The following FMN2 variants were observed in gnomAD, a reference collection of about 807,000 sequenced individuals.
The protein encoded by FMN2 is formin 2.
A neutral mutation model predicts 142.3 loss-of-function variants in FMN2; 51 were observed. That is an observed-to-expected ratio of 0.36 (90% CI 0.29 to 0.45). The LOEUF (loss-of-function observed/expected upper bound fraction) is 0.45, where lower values mean the gene tolerates loss of function less well. FMN2 is among the 20% of genes least tolerant of loss of function. The pLI, the probability that FMN2 is intolerant of heterozygous loss-of-function variation, is 1.00. For synonymous variants in FMN2, 882 were observed against 869.8 expected, an observed-to-expected ratio of 1.01 and a Z score of -0.25; for missense variants, 1,936 against 2,122.8, an observed-to-expected ratio of 0.91 and a Z score of 1.73.
chr1:240,119,039 C>A (rs1662132406), intron 1 of FMN2, among the ~76,000 whole-genome samples: 1 of 152,046 alleles, frequency 6.6e-6, no homozygotes, highest in Non-Finnish European at 1.5e-5. Context: ...ACTTAAAATG[C>A]CTCCACCTGG....
chr1:240,162,991 CT>C (rs2103295830), intron 2 of FMN2, among the ~76,000 whole-genome samples: 1 of 152,202 alleles, frequency 6.6e-6, no homozygotes, highest in Admixed American at 6.5e-5. Flanking sequence ...ACTCTGTTGT[CT>C]TTTTCAATAA....
chr1:240,312,923 G>A (rs1302643881), intron 8 of FMN2, among the ~76,000 whole-genome samples: 1 of 152,154 alleles, frequency 6.6e-6, no homozygotes, highest in Non-Finnish European at 1.5e-5. Flanking sequence ...TTCCTTATAT[G>A]TCAATGCAAA....
chr1:240,112,570 T>A (rs1454239950), intron 1 of FMN2, among the ~76,000 whole-genome samples: 1 of 152,234 alleles, frequency 6.6e-6, no homozygotes, highest in Non-Finnish European at 1.5e-5. Flanking sequence ...GCCCGTCTCC[T>A]GCCCTTATCT....
intron 4 of FMN2, among the ~76,000 whole-genome samples, chr1:240,203,754 G>A (rs1666220413): frequency 6.6e-6 from 1 of 152,102 alleles, no homozygotes. Flanking sequence ...AACCACCATG[G>A]CCCACGTTGA....
chr1:240,292,429 G>T (rs1669827187), intron 7 of FMN2, among the ~76,000 whole-genome samples: 1 of 152,130 alleles, frequency 6.6e-6, no homozygotes, highest in Non-Finnish European at 1.5e-5. Context: ...GACTTTCAAG[G>T]CTGGGCTATT....
At chr1:240,242,477 T>G (rs950578726) in intron 6 of FMN2, among the ~76,000 whole-genome samples, 1 of 152,114 alleles carries the variant, frequency 6.6e-6, no homozygotes, top group African/African-American at 2.4e-5. Context: ...ATCAGGATCA[T>G]AGACTAAATA....
intron 13 of FMN2, among the ~76,000 whole-genome samples, chr1:240,348,232 T>G (rs1049884207): frequency 6.6e-6 from 1 of 151,560 alleles, no homozygotes; most frequent in African/African-American, 2.4e-5. Flanking sequence ...ACTTTTTTTT[T>G]TTTTTTGGAG....
chr1:240,301,038 A>T (rs1298862597), intron 8 of FMN2, among the ~76,000 whole-genome samples: 2 of 151,640 alleles, frequency 1.3e-5, no homozygotes, highest in African/African-American at 4.8e-5. Flanking sequence ...TGGAGCATTT[A>T]GATTGTCAAC....
chr1:240,220,319 T>C (rs1357799303), intron 6 of FMN2, among the ~76,000 whole-genome samples: 2 of 152,092 alleles, frequency 1.3e-5, no homozygotes, highest in Non-Finnish European at 2.9e-5. Context: ...ACTCTAGACA[T>C]GTGTGGCCAA....
intron 6 of FMN2, among the ~76,000 whole-genome samples, chr1:240,242,341 G>C (rs1174181921): frequency 6.6e-6 from 1 of 152,198 alleles, no homozygotes; most frequent in Non-Finnish European, 1.5e-5. Flanking sequence ...AAGAAACAAT[G>C]GAGAAGTCAG....
At chr1:240,379,982 T>TA (rs1449161144) in intron 14 of FMN2, among the ~76,000 whole-genome samples, 1 of 151,998 alleles carries the variant, frequency 6.6e-6, no homozygotes, top group Non-Finnish European at 1.5e-5. Flanking sequence ...CAGATTCATT[T>TA]AAAAAAACAT....
At chr1:240,347,277 T>A (rs1307410384) in intron 13 of FMN2, among the ~76,000 whole-genome samples, 1 of 152,194 alleles carries the variant, frequency 6.6e-6, no homozygotes, top group African/African-American at 2.4e-5. Flanking sequence ...ATGTTGGGGT[T>A]AGCAAAGAAT....
At chr1:240,131,641 G>A (rs1473400908) in intron 2 of FMN2, among the ~76,000 whole-genome samples, 6 of 152,132 alleles carry the variant, frequency 3.9e-5, no homozygotes, top group Admixed American at 2.6e-4. Context: ...CCCAGGAGGC[G>A]GAGGTTGCAG....
At chr1:240,258,762 C>T (rs982284065) in intron 7 of FMN2, among the ~76,000 whole-genome samples, 5 of 152,048 alleles carry the variant, frequency 3.3e-5, no homozygotes, top group Admixed American at 6.6e-5. Context: ...GAGATACTGC[C>T]CAAAGGTGAA....
chr1:240,283,149 T>C (rs577504871), intron 7 of FMN2, among the ~76,000 whole-genome samples: 3 of 152,336 alleles, frequency 2.0e-5, no homozygotes, highest in East Asian at 3.9e-4. Flanking sequence ...TTCTTTTTTT[T>C]CTTCTTCCTT....
chr1:240,222,834 A>G (rs1248774772), intron 6 of FMN2, among the ~76,000 whole-genome samples: 1 of 152,190 alleles, frequency 6.6e-6, no homozygotes, highest in Non-Finnish European at 1.5e-5. Context: ...ATTTTTGCAC[A>G]TTGATTTTGT....
At chr1:240,228,218 G>T (rs1290555994) in intron 6 of FMN2, among the ~76,000 whole-genome samples, 2 of 145,242 alleles carry the variant, frequency 1.4e-5, no homozygotes, top group Non-Finnish European at 3.0e-5. Context: ...CAGGAGAATC[G>T]CTTGAACCCA....
chr1:240,216,387 A>T (rs1271468097), intron 6 of FMN2, among the ~76,000 whole-genome samples: 1 of 152,238 alleles, frequency 6.6e-6, no homozygotes, highest in Non-Finnish European at 1.5e-5. Context: ...GATATTTTTT[A>T]AAAAGTACAT....
intron 14 of FMN2, among the ~76,000 whole-genome samples, chr1:240,391,709 T>G (rs1673610483): frequency 6.6e-6 from 1 of 152,108 alleles, no homozygotes; most frequent in African/African-American, 2.4e-5. Flanking sequence ...CAGAGAGCAT[T>G]GCATGAAATA....
Sources: allele counts gnomAD v4.1 joint callset (sites outside exome capture counted in the v4.1 genomes callset), GRCh38; gene constraint gnomAD v4.1.1; transcripts MANE v1.5; gene names NCBI Gene and HGNC (gene_info 2026-07-23, HGNC 2026-07-21).